The following RAB3GAP1 variants were observed in gnomAD, a reference collection of about 807,000 sequenced individuals.
RAB3GAP1 encodes rab3 GTPase-activating protein catalytic subunit.
In RAB3GAP1, 86 loss-of-function variants were observed where a neutral mutation model predicts 130.7. The ratio of observed to expected loss-of-function variants is 0.66; its 90% confidence interval spans 0.55 to 0.79. The LOEUF (loss-of-function observed/expected upper bound fraction) is 0.79. RAB3GAP1 is among the 30% of genes least tolerant of loss of function. The pLI is 0.00. For missense variants in RAB3GAP1, 1,029 were observed against 1,169.4 expected, an observed-to-expected ratio of 0.88 and a Z score of 1.75; for synonymous variants, 367 against 401.7, an observed-to-expected ratio of 0.91 and a Z score of 1.03.
chr2:135,113,245 T>G lies in RAB3GAP1; in HGVS notation c.457T>G (p.Ser153Ala), dbSNP rs1378643515. The G allele has an allele frequency of 1.4e-5, 23 of 1,614,214 alleles. No homozygotes were observed. Among genetic ancestry groups the G allele is most frequent in the Non-Finnish European group, 1.9e-5 (23 of 1,180,026 alleles). The change falls in exon 6 of 24, where the codon TCT (serine) becomes GCT (alanine). Residue 153 changes from serine to alanine, a missense_variant. Physicochemically the swap from Ser to Ala is moderately conservative, Grantham distance 99 (BLOSUM62 1). Transcript: ENST00000264158. ...GTGCAACCTTCTTCTGAGTTCTGTTTCTATTGCCTTGGGAAACACTGGCTG... is the reference window on the plus strand; with the variant it reads ...GTGCAACCTTCTTCTGAGTTCTGTTGCTATTGCCTTGGGAAACACTGGCTG... ...SKCNLLLSSV[S>A]IALGNTGCQV...
downstream of RAB3GAP1, among the ~76,000 whole-genome samples, chr2:135,172,225 T>C (rs1286036565): frequency 6.6e-6 from 1 of 150,750 alleles, no homozygotes; most frequent in Non-Finnish European, 1.5e-5. Flanking sequence ...AGGTCAGGAG[T>C]TCGAGACCAG....
At chr2:135,073,432 C>T (rs1343563694) in intron 3 of RAB3GAP1, among the ~76,000 whole-genome samples, 1 of 152,198 alleles carries the variant, frequency 6.6e-6, no homozygotes, top group Non-Finnish European at 1.5e-5. Flanking sequence ...GACCCCTCAG[C>T]TCAAGGCCAT....
At chr2:135,141,319 G>T (rs572446153) in intron 17 of RAB3GAP1, among the ~76,000 whole-genome samples, 3 of 151,024 alleles carry the variant, frequency 2.0e-5, no homozygotes, top group African/African-American at 7.3e-5. Context: ...GAGTCTTCCG[G>T]GTTCAAGCGA....
At position 135,085,633 on chromosome 2, in the gene RAB3GAP1, A is replaced by G. The variant is rs555112577; in HGVS notation, c.151-5365A>G. On this transcript the variant is annotated intron_variant, in intron 3 of 23. Coordinates refer to ENST00000264158, the MANE Select transcript of RAB3GAP1 (RefSeq NM_012233.3). Reference sequence around the variant, plus strand: ...TGGTTGGTGCCAAATTATGATAATTAGTACCATGCTGTTGTTACATAATTG... The same window carrying G: ...TGGTTGGTGCCAAATTATGATAATTGGTACCATGCTGTTGTTACATAATTG... Among the ~76,000 whole-genome samples the G allele has an allele frequency of 2.7e-4, 41 of 152,300 alleles. No individual in the cohort carries two copies. The East Asian group carries it at 7.9e-3, about 29-fold the overall frequency.
intron 3 of RAB3GAP1, among the ~76,000 whole-genome samples, chr2:135,078,606 C>G (rs1396850477): frequency 1.4e-5 from 2 of 144,690 alleles, no homozygotes; most frequent in Middle Eastern, 3.9e-3. Context: ...GGACAAATAT[C>G]CCCCCATTAT....
chr2:135,061,683 G>A (rs1689173501), intron 3 of RAB3GAP1, among the ~76,000 whole-genome samples: 2 of 150,336 alleles, frequency 1.3e-5, no homozygotes, highest in Admixed American at 1.3e-4. Context: ...GTTTTTTTTT[G>A]GTATATATAT....
At chr2:135,130,989 G>A (rs1032712502) in intron 13 of RAB3GAP1, among the ~76,000 whole-genome samples, 4 of 152,182 alleles carry the variant, frequency 2.6e-5, no homozygotes, top group Admixed American at 2.6e-4. Flanking sequence ...AATCAGGGAA[G>A]GCTTCATGAA....
chr2:135,133,070 C>T (rs1019057881), intron 14 of RAB3GAP1, 86 bp downstream of exon 14: 12 of 848,380 alleles, frequency 1.4e-5, no homozygotes, highest in Non-Finnish European at 1.9e-5. Flanking sequence ...TAATAGCTTA[C>T]TATATTTTTA....
At position 135,096,722 on chromosome 2, in the gene RAB3GAP1, A is replaced by G. The variant is rs7607971; in HGVS notation, c.362+3029A>G. The stretch of plus-strand genomic sequence containing the variant: ...AACTCAGGTACTTAGTATCTCTGCA[A>G]CTTTGGGCAAGTTACTTAATTTCTT... On this transcript the variant is annotated intron_variant, in intron 5 of 23. Transcript: ENST00000264158. Among the ~76,000 whole-genome samples the G allele has an allele frequency of 2.2e-3, 336 of 152,296 alleles. 1 individual carries two copies. Among genetic ancestry groups the G allele is most frequent in the African/African-American group, 7.9e-3 (329 of 41,588 alleles).
intron 22 of RAB3GAP1, 116 bp from the exon 23 acceptor site, chr2:135,164,478 G>A (rs1692570408): frequency 5.3e-6 from 4 of 758,566 alleles, no homozygotes; most frequent in South Asian, 2.9e-5. Context: ...CAACCTTGTT[G>A]GGTTTAGCCA....
rs1692501457 is a variant in RAB3GAP1 at position 135,162,747 on chromosome 2, G to C, written c.2387-1G>C. The stretch of plus-strand genomic sequence containing the variant: ...GCTGGCTTCAATCTTTTCTAAAATA[G>C]AAAGTCTCGAAAACATTTCTTCAGT... On this transcript the variant is annotated splice_acceptor_variant, in intron 20 of 23. Transcript: ENST00000264158. LOFTEE classifies it high-confidence loss of function. 1 of 1,611,738 alleles carries C rather than the reference G, an allele frequency of 6.2e-7. No individual in the cohort carries two copies. Among genetic ancestry groups the C allele is most frequent in the African/African-American group, 1.3e-5 (1 of 74,860 alleles).
rs757688969 is a variant in RAB3GAP1, at chr2:135,115,372, A to G, written c.639A>G (p.Lys213=). 9.8e-5 allele frequency: 158 copies of G among 1,609,982 alleles called. 2 individuals carry two copies. In the Admixed American group the frequency reaches 2.6e-3, roughly 26 times the overall value. ...THLSGLLDIF[K]SKIGCPLTPL... ...TATCAGGTCTGCTGGATATCTTCAA[A>G]TCAAAGATTGTGAGTTGGGATTGAT... The change falls in exon 7 of 24, where the codon AAA becomes AAG. Residue 213 remains lysine, a synonymous_variant. Transcript: ENST00000264158.
chr2:135,070,568 C>T (rs1433950527), intron 3 of RAB3GAP1, among the ~76,000 whole-genome samples: 4 of 152,074 alleles, frequency 2.6e-5, no homozygotes, highest in African/African-American at 4.8e-5. Context: ...AGTGCAGTGG[C>T]GCAATCTCGG....
In RAB3GAP1 at chr2:135,135,927, AC is replaced by A; in HGVS notation, c.1921del (p.Gln641ArgfsTer6). ...HNGEPLYIPV[T>X]QEPAPMTEDL... ...TGGAGAACCTCTCTACATTCCAGTAACCCAGGTAGGATGCACTAGTTCTTTC... is the reference window on the plus strand; with the variant it reads ...TGGAGAACCTCTCTACATTCCAGTAACCAGGTAGGATGCACTAGTTCTTTC... On this transcript the variant is annotated frameshift_variant, in exon 17 of 24. Coordinates refer to ENST00000264158, the MANE Select transcript of RAB3GAP1 (RefSeq NM_012233.3). LOFTEE classifies it high-confidence loss of function. 1 of 1,613,850 alleles carries A rather than the reference AC, an allele frequency of 6.2e-7. No homozygotes were observed. Among genetic ancestry groups the A allele is most frequent in the Non-Finnish European group, 8.5e-7 (1 of 1,179,710 alleles).
rs534792972 is a variant in RAB3GAP1, at chr2:135,169,127, G to A, written c.*346G>A. On this transcript the variant is annotated 3_prime_UTR_variant, in exon 24 of 24. Transcript: ENST00000264158. ...TTCTGTGACCAGCCTCTAGGCTAGCGGCTGCATTCGTGGTCTGTGCAAACA... is the reference window on the plus strand; with the variant it reads ...TTCTGTGACCAGCCTCTAGGCTAGCAGCTGCATTCGTGGTCTGTGCAAACA... 1.3e-4 allele frequency: 51 copies of A among 388,490 alleles called. No individual in the cohort carries two copies. In the East Asian group the frequency reaches 1.6e-3, roughly 12 times the overall value. The allele number at this position is 388,490 out of a possible 1,614,324, so 24.1% of individuals were successfully genotyped here. A position where few individuals can be genotyped will look rare whatever the true frequency, so the allele number is the denominator to read the frequency against.
intron 17 of RAB3GAP1, among the ~76,000 whole-genome samples, chr2:135,144,047 A>G (rs184932596): frequency 9.2e-5 from 14 of 152,216 alleles, no homozygotes; most frequent in Admixed American, 7.2e-4. Context: ...GGCCTCACTC[A>G]GCCCTGGGCC....
intron 3 of RAB3GAP1, among the ~76,000 whole-genome samples, chr2:135,079,976 G>A (rs1689743776): frequency 6.6e-6 from 1 of 152,108 alleles, no homozygotes; most frequent in Non-Finnish European, 1.5e-5. Flanking sequence ...AATTAGCCGG[G>A]CGCAGTGGCG....
intron 7 of RAB3GAP1, among the ~76,000 whole-genome samples, chr2:135,117,240 G>A (rs1210834156): frequency 1.3e-5 from 2 of 152,102 alleles, no homozygotes; most frequent in African/African-American, 4.8e-5. Context: ...GGGCTCTGAA[G>A]TGCTATAGGT....
At chr2:135,127,021 G>A (rs1167655539) in intron 11 of RAB3GAP1, among the ~76,000 whole-genome samples, 2 of 151,782 alleles carry the variant, frequency 1.3e-5, no homozygotes, top group African/African-American at 2.4e-5. Flanking sequence ...GACTACAGAC[G>A]TGTGCCACCA....
Sources: allele counts gnomAD v4.1 joint callset (sites outside exome capture counted in the v4.1 genomes callset), GRCh38; gene constraint gnomAD v4.1.1; transcripts MANE v1.5; gene names NCBI Gene and HGNC (gene_info 2026-07-23, HGNC 2026-07-21).